The following NFIB variants were observed in gnomAD, a reference collection of about 807,000 sequenced individuals.
NFIB encodes nuclear factor 1 B-type.
NFIB carries 11 observed loss-of-function variants against 61.5 expected under a neutral mutation model. That is an observed-to-expected ratio of 0.18 (90% CI 0.11 to 0.30). NFIB has a LOEUF of 0.30. Among genes scored for constraint, NFIB ranks in the 10% least tolerant of loss-of-function variants. NFIB has a pLI of 1.00. For synonymous variants in NFIB, 260 were observed against 216.5 expected, an observed-to-expected ratio of 1.20 and a Z score of -1.76; for missense variants, 471 against 608.9, an observed-to-expected ratio of 0.77 and a Z score of 2.38.
chr9:14,484,954 C>G, the NFIB span, among the ~76,000 whole-genome samples: 22,435 of 152,182 alleles, frequency 0.15, 2,974 homozygotes, highest in African/African-American at 0.35. Context: ...GGCTCTTTCC[C>G]TGACTCACAG....
intron 2 of NFIB, among the ~76,000 whole-genome samples, chr9:14,230,705 G>C (rs577431267): frequency 2.3e-4 from 35 of 152,272 alleles, no homozygotes; most frequent in Non-Finnish European, 4.4e-4. Flanking sequence ...GAAAAAAGTA[G>C]CACTTTTTGA....
At chr9:14,258,559 A>T (rs530338775) in intron 2 of NFIB, among the ~76,000 whole-genome samples, 11 of 152,358 alleles carry the variant, frequency 7.2e-5, no homozygotes, top group African/African-American at 2.2e-4. Flanking sequence ...CTGCCAACTT[A>T]TAGTATTTTT....
intron 2 of NFIB, among the ~76,000 whole-genome samples, chr9:14,189,192 T>A (rs922710402): frequency 1.1e-4 from 16 of 152,200 alleles, no homozygotes; most frequent in African/African-American, 3.9e-4. Flanking sequence ...CTCTGTGCTA[T>A]GTCACTTCAT....
At chr9:14,408,250 A>T in the NFIB span, among the ~76,000 whole-genome samples, 1 of 152,206 alleles carries the variant, frequency 6.6e-6, no homozygotes, top group Non-Finnish European at 1.5e-5. Context: ...GTCTAAGTTT[A>T]GCTCTCAAGC....
chr9:14,097,875 C>CTTTTTCTTTTTTTTTTTTTT (rs1554630194), intron 10 of NFIB, among the ~76,000 whole-genome samples: 1 of 110,838 alleles, frequency 9.0e-6, no homozygotes, highest in African/African-American at 3.4e-5. Context: ...TTTCTTTTTT[C>CTTTTTCTTTTTTTTTTTTTT]TTTTTTTTTT....
chr9:14,463,116 CAATTA>C, the NFIB span, among the ~76,000 whole-genome samples: 1 of 149,914 alleles, frequency 6.7e-6, no homozygotes, highest in Admixed American at 6.7e-5. Flanking sequence ...AATTAAAATT[CAATTA>C]AATAATTAAA....
the NFIB span, among the ~76,000 whole-genome samples, chr9:14,472,944 T>C: frequency 4.5e-4 from 69 of 152,344 alleles, no homozygotes; most frequent in Non-Finnish European, 9.1e-4. Context: ...GAAGCACTGC[T>C]CTAGAATTAT....
At chr9:14,290,256 T>A (rs1017549297) in intron 2 of NFIB, among the ~76,000 whole-genome samples, 2 of 152,090 alleles carry the variant, frequency 1.3e-5, no homozygotes. Flanking sequence ...TTACAGTATT[T>A]AAATTTTTGC....
At chr9:14,421,813 CT>C in the NFIB span, among the ~76,000 whole-genome samples, 1 of 152,110 alleles carries the variant, frequency 6.6e-6, no homozygotes, top group Non-Finnish European at 1.5e-5. Flanking sequence ...CCCAATTCTT[CT>C]ATATTTTCAT....
intron 2 of NFIB, among the ~76,000 whole-genome samples, chr9:14,305,031 C>G (rs2059946512): frequency 6.6e-6 from 1 of 152,112 alleles, no homozygotes; most frequent in Non-Finnish European, 1.5e-5. Context: ...GATTGTTGAA[C>G]CAACAACAAA....
chr9:14,233,158 C>T (rs1166052153), intron 2 of NFIB, among the ~76,000 whole-genome samples: 1 of 152,188 alleles, frequency 6.6e-6, no homozygotes, highest in African/African-American at 2.4e-5. Context: ...CTCTTACAGA[C>T]ATGTAGTTTA....
the NFIB span, among the ~76,000 whole-genome samples, chr9:14,415,313 G>A: frequency 6.6e-6 from 1 of 152,096 alleles, no homozygotes; most frequent in Admixed American, 6.5e-5. Flanking sequence ...GAGTCTCTGG[G>A]GCAATTTCAC....
At chr9:14,448,384 T>C in the NFIB span, among the ~76,000 whole-genome samples, 2 of 152,162 alleles carry the variant, frequency 1.3e-5, no homozygotes, top group African/African-American at 2.4e-5. Flanking sequence ...AATGATTGCA[T>C]CCAAAAAAAA....
At chr9:14,214,552 C>A (rs1218392389) in intron 2 of NFIB, among the ~76,000 whole-genome samples, 1 of 152,226 alleles carries the variant, frequency 6.6e-6, no homozygotes, top group Non-Finnish European at 1.5e-5. Context: ...ACGCTTTCCT[C>A]TAAGAAACTG....
chr9:14,444,418 C>T, the NFIB span, among the ~76,000 whole-genome samples: 2 of 152,128 alleles, frequency 1.3e-5, no homozygotes, highest in Non-Finnish European at 2.9e-5. Flanking sequence ...AAAATTGACA[C>T]TTGGGCTGCT....
At chr9:14,248,024 C>T (rs1012929873) in intron 2 of NFIB, among the ~76,000 whole-genome samples, 2 of 151,514 alleles carry the variant, frequency 1.3e-5, no homozygotes, top group African/African-American at 4.9e-5. Flanking sequence ...CTCTGAACTC[C>T]TGGACTCAAG....
the NFIB span, among the ~76,000 whole-genome samples, chr9:14,468,301 T>C: frequency 6.6e-6 from 1 of 152,192 alleles, no homozygotes. Flanking sequence ...AAAATGCTTG[T>C]AAAATGCTAA....
At chr9:14,269,519 G>A (rs1588042964) in intron 2 of NFIB, among the ~76,000 whole-genome samples, 1 of 152,164 alleles carries the variant, frequency 6.6e-6, no homozygotes, top group Non-Finnish European at 1.5e-5. Context: ...ATATACATCT[G>A]TCAGGCTATT....
Position 14,088,298 on chromosome 9 carries a change from A to G in NFIB, c.*11T>C, listed in dbSNP as rs767662204. 6.2e-7 allele frequency: 1 copy of G among 1,600,892 alleles called. No homozygotes were observed. Among genetic ancestry groups the G allele is most frequent in the Admixed American group, 1.7e-5 (1 of 59,556 alleles). On this transcript the variant is annotated 3_prime_UTR_variant, in exon 11 of 11. Coordinates refer to ENST00000380953, the MANE Select transcript of NFIB (RefSeq NM_001190737.2). ...ATGGGTGTCCTATTTGACACTTGGAAAGGAACCAAGCTAGCCCAGGTACCA... is the reference window on the plus strand; with the variant it reads ...ATGGGTGTCCTATTTGACACTTGGAGAGGAACCAAGCTAGCCCAGGTACCA...
Sources: gnomAD v4.1 joint callset for allele counts (sites outside exome capture counted in the v4.1 genomes callset) on GRCh38, gnomAD v4.1.1 for gene constraint, MANE v1.5 for transcripts, NCBI Gene and HGNC (gene_info 2026-07-23, HGNC 2026-07-21) for gene names.